The following MEI4 variants were observed in gnomAD, a reference collection of about 807,000 sequenced individuals.
MEI4 encodes meiotic double-stranded break formation protein 4.
In MEI4, 27 loss-of-function variants were observed where a neutral mutation model predicts 31.4. That is an observed-to-expected ratio of 0.86 (90% CI 0.63 to 1.19). The LOEUF is 1.19. MEI4 is among the 50% of genes most tolerant of loss of function. MEI4 has a pLI of 0.00. For synonymous variants in MEI4, 122 were observed against 145.4 expected, an observed-to-expected ratio of 0.84 and a Z score of 1.16; for missense variants, 329 against 398.9, an observed-to-expected ratio of 0.82 and a Z score of 1.49.
chr6:77,916,247 G>C (rs1232125546), intron 4 of MEI4, among the ~76,000 whole-genome samples: 4 of 151,456 alleles, frequency 2.6e-5, no homozygotes, highest in Non-Finnish European at 4.4e-5. Context: ...CTTTTTCCAG[G>C]ATTTCATAAA....
chr6:77,919,515 T>G (rs1766650089), intron 4 of MEI4, among the ~76,000 whole-genome samples: 2 of 151,548 alleles, frequency 1.3e-5, no homozygotes, highest in South Asian at 4.2e-4. Flanking sequence ...AGAGGGAAAT[T>G]TATAGCACTA....
intron 3 of MEI4, among the ~76,000 whole-genome samples, chr6:77,787,326 C>G (rs979963467): frequency 6.6e-6 from 1 of 152,110 alleles, no homozygotes; most frequent in Non-Finnish European, 1.5e-5. Context: ...AGAAGCTGAC[C>G]TTCAGTTTAT....
intron 2 of MEI4, among the ~76,000 whole-genome samples, chr6:77,696,790 A>C (rs2127654465): frequency 6.6e-6 from 1 of 152,162 alleles, no homozygotes; most frequent in African/African-American, 2.4e-5. Context: ...AAAATGAGTT[A>C]GGGAGGATTC....
rs1034399036 is a variant in MEI4, at chr6:77,677,676, A to G, written c.-14-12982A>G. Among the ~76,000 whole-genome samples the G allele has an allele frequency of 3.3e-5, 5 of 152,134 alleles. No homozygotes were observed. The East Asian group carries it at 7.7e-4, about 23-fold the overall frequency. Reference sequence around the variant, plus strand: ...TCCACATGTCCTCACCTCAGCCTCAATAACAGTTGTCTTTCAGAAGTCCAG... The same window carrying G: ...TCCACATGTCCTCACCTCAGCCTCAGTAACAGTTGTCTTTCAGAAGTCCAG... On this transcript the variant is annotated intron_variant, in intron 1 of 4. Coordinates refer to ENST00000684080, the MANE Select transcript of MEI4 (RefSeq NM_001322247.2).
intron 4 of MEI4, among the ~76,000 whole-genome samples, chr6:77,874,491 T>G (rs1380612072): frequency 6.6e-6 from 1 of 152,208 alleles, no homozygotes; most frequent in African/African-American, 2.4e-5. Flanking sequence ...CTTGTCAGCT[T>G]AAGGAGATTT....
rs143648648 is a variant in MEI4 at position 77,751,855 on chromosome 6, C to T, written c.233-9275C>T. Among the ~76,000 whole-genome samples the T allele has an allele frequency of 1.2e-4, 19 of 152,226 alleles. No individual in the cohort carries two copies. In the East Asian group the frequency reaches 3.7e-3, roughly 29 times the overall value. ...CCAATATCCCTGATGAACATCAACA[C>T]GAAAATCCTCAATAAAATACTGGCA... On this transcript the variant is annotated intron_variant, in intron 2 of 4. Transcript: ENST00000684080.
chr6:77,877,633 T>A lies in MEI4; in HGVS notation c.901-45456T>A, dbSNP rs1473354078. On this transcript the variant is annotated intron_variant, in intron 4 of 4. Coordinates refer to ENST00000684080, the MANE Select transcript of MEI4 (RefSeq NM_001322247.2). ...CAGCTCTGGCCCTTTACAAAATGAA[T>A]ACTTTGAAATTGTGTCTCTCTCCCT... Among the ~76,000 whole-genome samples the A allele has an allele frequency of 2.0e-5, 3 of 151,788 alleles. No individual in the cohort carries two copies. The South Asian group carries it at 6.2e-4, about 31-fold the overall frequency.
chr6:77,829,887 TC>T (rs2127711593), intron 4 of MEI4, among the ~76,000 whole-genome samples: 1 of 152,264 alleles, frequency 6.6e-6, no homozygotes, highest in Non-Finnish European at 1.5e-5. Context: ...AATGACATAG[TC>T]TAAAAATATT....
intron 2 of MEI4, among the ~76,000 whole-genome samples, chr6:77,715,419 A>C (rs9448177): frequency 0.01 from 1,574 of 152,334 alleles, 28 homozygotes; most frequent in African/African-American, 0.036. Flanking sequence ...TCTACAGAAA[A>C]TTGACTTTGA....
At chr6:77,780,499 G>A (rs6901142) in intron 3 of MEI4, among the ~76,000 whole-genome samples, 2,934 of 152,194 alleles carry the variant, frequency 0.019, 67 homozygotes, top group East Asian at 0.089. Flanking sequence ...ACTGAATATC[G>A]GAGTCTGAGT....
At chr6:77,868,490 T>TA (rs1450703744) in intron 4 of MEI4, among the ~76,000 whole-genome samples, 1 of 129,514 alleles carries the variant, frequency 7.7e-6, no homozygotes, top group Non-Finnish European at 1.6e-5. Context: ...AACTTCCATG[T>TA]AAAAAATACT....
chr6:77,730,506 C>G (rs1256014083), intron 2 of MEI4, among the ~76,000 whole-genome samples: 3 of 152,128 alleles, frequency 2.0e-5, no homozygotes, highest in Admixed American at 2.0e-4. Context: ...TTCCTCTTAT[C>G]AGCTCCCAGT....
chr6:77,736,513 C>T (rs1170153164), intron 2 of MEI4, among the ~76,000 whole-genome samples: 2 of 152,044 alleles, frequency 1.3e-5, no homozygotes, highest in East Asian at 3.9e-4. Flanking sequence ...TGCGCGCACA[C>T]ACTGACCTGC....
intron 3 of MEI4, among the ~76,000 whole-genome samples, chr6:77,801,186 T>C (rs1252663260): frequency 6.6e-6 from 1 of 152,228 alleles, no homozygotes; most frequent in African/African-American, 2.4e-5. Flanking sequence ...TTTTGGTCTA[T>C]TCAGAGATTC....
At chr6:77,676,356 C>G (rs1768844942) in intron 1 of MEI4, among the ~76,000 whole-genome samples, 1 of 151,816 alleles carries the variant, frequency 6.6e-6, no homozygotes, top group African/African-American at 2.4e-5. Context: ...TGATCCCCAT[C>G]TGTACAACAA....
chr6:77,735,591 A>T (rs1232962367), intron 2 of MEI4, among the ~76,000 whole-genome samples: 1 of 152,024 alleles, frequency 6.6e-6, no homozygotes, highest in East Asian at 1.9e-4. Flanking sequence ...GTCCTCCCGT[A>T]GCTCGGAGTA....
chr6:77,877,303 C>T (rs1489891603), intron 4 of MEI4, among the ~76,000 whole-genome samples: 5 of 151,684 alleles, frequency 3.3e-5, no homozygotes, highest in African/African-American at 1.2e-4. Context: ...AGTGTGTTTA[C>T]ATATGATTGT....
intron 3 of MEI4, among the ~76,000 whole-genome samples, chr6:77,802,369 C>T (rs1448011617): frequency 6.6e-6 from 1 of 152,160 alleles, no homozygotes; most frequent in Admixed American, 6.5e-5. Context: ...TGTGTCTCTG[C>T]ATGTGAGATG....
chr6:77,735,867 C>T (rs965316683), intron 2 of MEI4, among the ~76,000 whole-genome samples: 1 of 152,016 alleles, frequency 6.6e-6, no homozygotes, highest in Non-Finnish European at 1.5e-5. Context: ...GGACCCTCAG[C>T]TGCAGGTCTG....
Sources: allele counts gnomAD v4.1 joint callset (sites outside exome capture counted in the v4.1 genomes callset), GRCh38; gene constraint gnomAD v4.1.1; transcripts MANE v1.5; gene names NCBI Gene and HGNC (gene_info 2026-07-23, HGNC 2026-07-21).